Variants in CDH12 observed in about 807,000 individuals in gnomAD.
CDH12 encodes cadherin-12.
Under a neutral mutation model 74.1 loss-of-function variants are expected in CDH12, and 41 were observed. The ratio of observed to expected loss-of-function variants is 0.55; its 90% CI spans 0.43 to 0.72. CDH12 has a LOEUF of 0.72. CDH12 is among the 30% of genes least tolerant of loss of function. The probability of loss-of-function intolerance (pLI) is 0.00; values close to 1 mark genes in which losing one functional copy is unlikely to be tolerated. For synonymous variants in CDH12, 399 were observed against 355.0 expected (o/e 1.12, Z -1.39); for missense variants, 945 against 977.2 (o/e 0.97, Z 0.44).
chr5:21,951,122 A>G (rs1755840600), intron 6 of CDH12, among the ~76,000 whole-genome samples: 1 of 151,934 alleles, frequency 6.6e-6, no homozygotes, highest in Non-Finnish European at 1.5e-5. Flanking sequence ...AAAAAGTCAA[A>G]TTGCATTTTT....
intron 1 of CDH12, among the ~76,000 whole-genome samples, chr5:22,574,799 G>A (rs899577088): frequency 3.3e-5 from 5 of 152,008 alleles, no homozygotes; most frequent in African/African-American, 1.2e-4. Context: ...TTCCATACCT[G>A]TTAGCATTTG....
At chr5:21,999,041 TTCCACCA>T (rs1435067127) in intron 5 of CDH12, among the ~76,000 whole-genome samples, 1 of 152,184 alleles carries the variant, frequency 6.6e-6, no homozygotes, top group East Asian at 1.9e-4. Context: ...GGTGAAGTGC[TTCCACCA>T]TTTACAATTT....
intron 3 of CDH12, among the ~76,000 whole-genome samples, chr5:22,331,035 G>T (rs1460332585): frequency 1.3e-5 from 2 of 152,140 alleles, no homozygotes; most frequent in Non-Finnish European, 2.9e-5. Flanking sequence ...ATGGGTTGTT[G>T]TTGGTGGTGG....
At chr5:22,376,072 G>A (rs1010425380) in intron 3 of CDH12, among the ~76,000 whole-genome samples, 5 of 152,136 alleles carry the variant, frequency 3.3e-5, no homozygotes, top group Non-Finnish European at 5.9e-5. Flanking sequence ...ATGGATGAAT[G>A]GATAAAGAAC....
At chr5:22,576,023 G>A (rs1739772975) in intron 1 of CDH12, among the ~76,000 whole-genome samples, 1 of 152,080 alleles carries the variant, frequency 6.6e-6, no homozygotes, top group Non-Finnish European at 1.5e-5. Context: ...CACCAAGCCT[G>A]GCCTGAAACA....
intron 4 of CDH12, among the ~76,000 whole-genome samples, chr5:22,093,490 C>T (rs1341717256): frequency 6.6e-6 from 1 of 152,090 alleles, no homozygotes; most frequent in East Asian, 1.9e-4. Context: ...AATTTTAAAA[C>T]ATTTTGCAAA....
At chr5:22,123,921 T>C (rs1342912811) in intron 4 of CDH12, among the ~76,000 whole-genome samples, 2 of 151,796 alleles carry the variant, frequency 1.3e-5, no homozygotes, top group Admixed American at 6.6e-5. Context: ...TTTCCTTGAG[T>C]TTTTTAATTT....
intron 6 of CDH12, among the ~76,000 whole-genome samples, chr5:21,898,666 C>T (rs1753241673): frequency 2.0e-5 from 3 of 151,954 alleles, no homozygotes; most frequent in South Asian, 4.1e-4. Context: ...CGCGCCACTG[C>T]TCTTCAGCCT....
At chr5:22,247,069 T>G (rs1561252807) in intron 3 of CDH12, among the ~76,000 whole-genome samples, 1 of 152,344 alleles carries the variant, frequency 6.6e-6, no homozygotes, top group South Asian at 2.1e-4. Context: ...TTTGGATTAC[T>G]CACACTTAGG....
At chr5:22,363,957 C>T (rs1338814199) in intron 3 of CDH12, among the ~76,000 whole-genome samples, 3 of 152,176 alleles carry the variant, frequency 2.0e-5, no homozygotes, top group South Asian at 2.1e-4. Flanking sequence ...TAAACATGGG[C>T]TTTTATCCTG....
At chr5:22,309,560 A>G (rs1738287796) in intron 3 of CDH12, among the ~76,000 whole-genome samples, 1 of 152,140 alleles carries the variant, frequency 6.6e-6, no homozygotes, top group Non-Finnish European at 1.5e-5. Context: ...CATTTCCCTC[A>G]TCTCACAGTC....
chr5:22,260,969 T>C (rs1337501570), intron 3 of CDH12, among the ~76,000 whole-genome samples: 2 of 151,916 alleles, frequency 1.3e-5, no homozygotes, highest in African/African-American at 2.4e-5. Flanking sequence ...TTATACATAT[T>C]ATCATAAAGG....
intron 1 of CDH12, among the ~76,000 whole-genome samples, chr5:22,527,828 G>A (rs778603274): frequency 3.3e-5 from 5 of 152,060 alleles, no homozygotes; most frequent in South Asian, 2.1e-4. Context: ...GTGATCTGTC[G>A]GTCCATGTTT....
At chr5:22,250,336 T>A (rs1240547615) in intron 3 of CDH12, among the ~76,000 whole-genome samples, 2 of 152,116 alleles carry the variant, frequency 1.3e-5, no homozygotes, top group Non-Finnish European at 2.9e-5. Flanking sequence ...CCATTCAGCA[T>A]TAGCACTCAG....
chr5:21,910,481 A>C (rs1166502689), intron 6 of CDH12, among the ~76,000 whole-genome samples: 2 of 152,076 alleles, frequency 1.3e-5, no homozygotes, highest in Non-Finnish European at 2.9e-5. Flanking sequence ...TTCTTGCAAG[A>C]TCGTGCAAAT....
intron 1 of CDH12, among the ~76,000 whole-genome samples, chr5:22,834,288 A>G (rs904823133): frequency 6.6e-6 from 1 of 152,142 alleles, no homozygotes; most frequent in Non-Finnish European, 1.5e-5. Context: ...CACAGTGGGA[A>G]AATAAAATAA....
At chr5:22,586,749 T>A (rs1189290704) in intron 1 of CDH12, among the ~76,000 whole-genome samples, 4 of 151,736 alleles carry the variant, frequency 2.6e-5, no homozygotes, top group African/African-American at 9.7e-5. Context: ...ACTGTGTTTG[T>A]CCATTTGGAG....
At chr5:22,612,849 C>A (rs1422730561) in intron 1 of CDH12, among the ~76,000 whole-genome samples, 1 of 152,064 alleles carries the variant, frequency 6.6e-6, no homozygotes, top group Non-Finnish European at 1.5e-5. Context: ...CTCCTCAACC[C>A]TAACATAGTT....
At chr5:21,851,476 T>G (rs1279476277) in intron 7 of CDH12, among the ~76,000 whole-genome samples, 1 of 150,416 alleles carries the variant, frequency 6.6e-6, no homozygotes, top group Admixed American at 6.7e-5. Context: ...TATAATAAAA[T>G]AATACAATAT....
Sources: allele counts gnomAD v4.1 joint callset (sites outside exome capture counted in the v4.1 genomes callset), GRCh38; gene constraint gnomAD v4.1.1; transcripts MANE v1.5; gene names NCBI Gene and HGNC (gene_info 2026-07-23, HGNC 2026-07-21).